Variants in GPC5 observed in about 807,000 individuals in gnomAD.
GPC5 encodes glypican-5.
In GPC5, 47 loss-of-function variants were observed where a neutral mutation model predicts 53.9. The observed-to-expected ratio is 0.87, with a 90% CI of 0.69 to 1.11. The LOEUF (loss-of-function observed/expected upper bound fraction) is 1.11, where lower values mean the gene tolerates loss of function less well. Among genes scored for constraint, GPC5 ranks in the 50% most tolerant of loss-of-function variants. The pLI, the probability that GPC5 is intolerant of heterozygous loss-of-function variation, is 0.00. For synonymous variants in GPC5, 286 were observed against 263.3 expected (o/e 1.09, Z -0.84); for missense variants, 748 against 713.1 (o/e 1.05, Z -0.56).
intron 5 of GPC5, among the ~76,000 whole-genome samples, chr13:91,772,077 G>C (rs2037635194): frequency 6.6e-6 from 1 of 152,156 alleles, no homozygotes; most frequent in African/African-American, 2.4e-5. Flanking sequence ...GAGTGGAACC[G>C]AGCCCAATCT....
intron 7 of GPC5, among the ~76,000 whole-genome samples, chr13:92,773,327 G>C (rs1281205169): frequency 6.6e-6 from 1 of 152,108 alleles, no homozygotes; most frequent in African/African-American, 2.4e-5. Context: ...TAGAATTTGA[G>C]AAATGAGTAT....
At chr13:92,850,657 G>T (rs73630975) in intron 7 of GPC5, among the ~76,000 whole-genome samples, 14,538 of 152,084 alleles carry the variant, frequency 0.096, 1,228 homozygotes, top group African/African-American at 0.22. Context: ...TGGTAGAGAG[G>T]TTAAAGAAGA....
At chr13:91,768,918 T>C (rs145539590) in intron 5 of GPC5, among the ~76,000 whole-genome samples, 104 of 152,308 alleles carry the variant, frequency 6.8e-4, no homozygotes, top group African/African-American at 2.4e-3. Flanking sequence ...AGCCACAGCA[T>C]AAACATCACA....
chr13:92,809,558 C>T (rs1014253825), intron 7 of GPC5, among the ~76,000 whole-genome samples: 1 of 152,166 alleles, frequency 6.6e-6, no homozygotes, highest in Admixed American at 6.6e-5. Context: ...TCATGGTACA[C>T]CTGCATGTGC....
chr13:91,953,313 T>C (rs989471924), intron 6 of GPC5, among the ~76,000 whole-genome samples: 3 of 152,186 alleles, frequency 2.0e-5, no homozygotes, highest in African/African-American at 7.2e-5. Flanking sequence ...AATTGCTTCT[T>C]GGTAAGCCTG....
chr13:92,825,538 A>T (rs1566434290), intron 7 of GPC5, among the ~76,000 whole-genome samples: 1 of 152,160 alleles, frequency 6.6e-6, no homozygotes, highest in Admixed American at 6.6e-5. Context: ...AAGAATATAT[A>T]TCACTGCATA....
At chr13:91,619,793 T>C (rs936769143) in intron 2 of GPC5, among the ~76,000 whole-genome samples, 1 of 152,176 alleles carries the variant, frequency 6.6e-6, no homozygotes, top group African/African-American at 2.4e-5. Flanking sequence ...GCACATTTTC[T>C]TTTCCAGTCT....
chr13:92,832,946 T>G (rs1025546403), intron 7 of GPC5, among the ~76,000 whole-genome samples: 5 of 152,106 alleles, frequency 3.3e-5, no homozygotes, highest in Non-Finnish European at 7.4e-5. Flanking sequence ...AGGCGGAGGT[T>G]GCAGTGAGCC....
At chr13:91,645,649 G>C (rs1306825147) in intron 2 of GPC5, among the ~76,000 whole-genome samples, 1 of 152,144 alleles carries the variant, frequency 6.6e-6, no homozygotes, top group Non-Finnish European at 1.5e-5. Context: ...CTACTACTAC[G>C]TTATGTATTA....
intron 2 of GPC5, among the ~76,000 whole-genome samples, chr13:91,617,439 G>A (rs1352115949): frequency 6.6e-6 from 1 of 152,116 alleles, no homozygotes; most frequent in Non-Finnish European, 1.5e-5. Context: ...AGCATGATAT[G>A]GTTAAGCAAC....
chr13:91,865,556 G>A lies in GPC5; in HGVS notation c.1281-42381G>A, dbSNP rs538270047. ...GTCCTCTTAAAAGGAATCACTTCTT[G>A]TTTTCTTACAAGTTAAAACCTCACT... is the stretch of plus-strand genomic sequence containing the variant. On this transcript the variant is annotated intron_variant, in intron 5 of 7. Transcript: ENST00000377067. 3.2e-3 allele frequency among the ~76,000 whole-genome samples: 490 copies of A among 152,094 alleles called. 3 individuals carry two copies. Among genetic ancestry groups the A allele is most frequent in the African/African-American group, 0.011 (467 of 41,494 alleles).
intron 6 of GPC5, among the ~76,000 whole-genome samples, chr13:92,093,878 A>G (rs1437924667): frequency 2.0e-5 from 3 of 152,234 alleles, no homozygotes; most frequent in Non-Finnish European, 4.4e-5. Flanking sequence ...GCTATTGGCC[A>G]TCAATTGGTT....
intron 7 of GPC5, among the ~76,000 whole-genome samples, chr13:92,349,225 C>A (rs1242427034): frequency 1.3e-5 from 2 of 152,118 alleles, no homozygotes; most frequent in Non-Finnish European, 2.9e-5. Flanking sequence ...CTCACTGCAA[C>A]CTCCACCTCC....
At chr13:91,660,760 T>C (rs185915451) in intron 2 of GPC5, among the ~76,000 whole-genome samples, 329 of 152,286 alleles carry the variant, frequency 2.2e-3, no homozygotes, top group Non-Finnish European at 3.6e-3. Flanking sequence ...AGGGACCATT[T>C]CTATCTCAGA....
At chr13:92,254,521 T>C (rs2042713668) in intron 7 of GPC5, among the ~76,000 whole-genome samples, 1 of 152,174 alleles carries the variant, frequency 6.6e-6, no homozygotes, top group African/African-American at 2.4e-5. Context: ...CCTCCATATC[T>C]GTGAGTTCTG....
chr13:92,540,914 G>A (rs1367716044), intron 7 of GPC5, among the ~76,000 whole-genome samples: 2 of 151,866 alleles, frequency 1.3e-5, no homozygotes, highest in African/African-American at 4.8e-5. Flanking sequence ...ATTGGGTGAA[G>A]TATGGTAGGT....
intron 7 of GPC5, among the ~76,000 whole-genome samples, chr13:92,541,843 A>T (rs1431435462): frequency 6.6e-6 from 1 of 151,826 alleles, no homozygotes; most frequent in Non-Finnish European, 1.5e-5. Context: ...TTCCACAGGG[A>T]TATTCAGTTG....
chr13:91,797,218 CCTTT>C (rs1407043392), intron 5 of GPC5, among the ~76,000 whole-genome samples: 1 of 152,080 alleles, frequency 6.6e-6, no homozygotes, highest in Non-Finnish European at 1.5e-5. Context: ...GATTACTTCC[CCTTT>C]CTGTGTACTC....
At chr13:91,591,811 C>A (rs1440014240) in intron 2 of GPC5, among the ~76,000 whole-genome samples, 1 of 152,138 alleles carries the variant, frequency 6.6e-6, no homozygotes, top group Non-Finnish European at 1.5e-5. Context: ...TCTTAAAATG[C>A]CTATTTCGTC....
Sources: gnomAD v4.1 joint callset for allele counts (sites outside exome capture counted in the v4.1 genomes callset) on GRCh38, gnomAD v4.1.1 for gene constraint, MANE v1.5 for transcripts, NCBI Gene and HGNC (gene_info 2026-07-23, HGNC 2026-07-21) for gene names.